The following TMEM94 variants were observed in gnomAD, a reference collection of about 807,000 sequenced individuals.
The protein encoded by TMEM94 is ER Mg2+ ATPase.
TMEM94 carries 81 observed loss-of-function variants against 158.6 expected under a neutral mutation model. The ratio of observed to expected loss-of-function variants is 0.51; its 90% CI spans 0.43 to 0.61. The LOEUF (loss-of-function observed/expected upper bound fraction) is 0.61, where lower values mean the gene tolerates loss of function less well. TMEM94 is among the 20% of genes least tolerant of loss of function. The pLI, the probability that TMEM94 is intolerant of heterozygous loss-of-function variation, is 0.00. For synonymous variants in TMEM94, 751 were observed against 730.7 expected, an observed-to-expected ratio of 1.03 and a Z score of -0.45; for missense variants, 1,435 against 1,762.0, an observed-to-expected ratio of 0.81 and a Z score of 3.32.
chr17:75,482,071 A>G (rs556975146), intron 2 of TMEM94, among the ~76,000 whole-genome samples: 214 of 152,142 alleles, frequency 1.4e-3, no homozygotes, highest in Non-Finnish European at 2.5e-3. Context: ...GGCCAGGCAC[A>G]GTGGCTCAGG....
At chr17:75,488,604 G>A (rs1018961176) in intron 6 of TMEM94, among the ~76,000 whole-genome samples, 155 bp from the exon 7 acceptor site, 3 of 152,068 alleles carry the variant, frequency 2.0e-5, no homozygotes, top group Admixed American at 6.6e-5. Context: ...CTTTATTCTC[G>A]CTAAAAGTCT....
intron 26 of TMEM94, 117 bp from the exon 27 acceptor site, chr17:75,497,664 T>C: frequency 2.6e-6 from 2 of 755,972 alleles, no homozygotes; most frequent in Non-Finnish European, 4.5e-6. Flanking sequence ...CTTTGTTTTA[T>C]TCCATCCCCT....
rs1239160240 is a variant in TMEM94, at chr17:75,497,770, C to T, written c.3408-11C>T. ...TTGTCACCATCCCTCTACCTGATCT[C>T]TGCTTTTCAGCATCTCTCTGCTGGG... is the stretch of plus-strand genomic sequence containing the variant. On this transcript the variant is annotated splice_polypyrimidine_tract_variant and intron_variant, in intron 26 of 31. Coordinates refer to ENST00000314256, the MANE Select transcript of TMEM94 (RefSeq NM_014738.6). 2 of 1,610,842 alleles carry T rather than the reference C, an allele frequency of 1.2e-6. No individual in the cohort carries two copies. Among genetic ancestry groups the T allele is most frequent in the African/African-American group, 1.3e-5 (1 of 74,878 alleles).
chr17:75,499,073 A>G lies in TMEM94; in HGVS notation c.3989A>G (p.His1330Arg). ...VVVTNEIVKL[H>R]EIRVRVRYQK... ...GTGACCAATGAGATCGTGAAGCTAC[A>G]TGAGATTCGGTGAGCTGTCAGCAGG... The change falls in exon 31 of 32, where the codon CAT becomes CGT. Residue 1330 changes from histidine to arginine, a missense_variant. Transcript: ENST00000314256. The G allele has an allele frequency of 1.3e-6, 2 of 1,586,206 alleles. No homozygotes were observed. The highest frequency in any genetic ancestry group is 2.2e-5 in the East Asian group (1 of 44,462).
chr17:75,489,203 C>T lies in TMEM94; in HGVS notation c.765-63C>T. 1.3e-6 allele frequency: 2 copies of T among 1,493,404 alleles called. No homozygotes were observed. The highest frequency in any genetic ancestry group is 2.3e-5 in the East Asian group (1 of 44,190). 92.5% of individuals were successfully genotyped at this position (1,493,404 alleles called of 1,614,324 possible). The stretch of plus-strand genomic sequence containing the variant: ...GTATCTGGCAGAGAGGCCCAGAATC[C>T]TCCCAAGGTGTAGGTTTCTAGCCTC... On this transcript the variant is annotated intron_variant, in intron 7 of 31. Transcript: ENST00000314256. This position sits in a 1 kb window ranked among gnomAD's most constrained non-coding sequence, Gnocchi z 5.0.
At chr17:75,494,561 G>A in intron 18 of TMEM94, 66 bp from the exon 19 acceptor site, 1 of 1,529,352 alleles carries the variant, frequency 6.5e-7, no homozygotes, top group Non-Finnish European at 8.9e-7. Flanking sequence ...TGGCATCTGT[G>A]TGTGTGGCCC....
chr17:75,485,260 G>A lies in TMEM94; in HGVS notation c.25-168G>A, dbSNP rs529425779. The A allele has an allele frequency of 9.2e-4, 602 of 651,880 alleles. 1 individual carries two copies. Among genetic ancestry groups the A allele is most frequent in the Non-Finnish European group, 1.4e-3 (530 of 387,632 alleles). 40.4% of individuals were successfully genotyped at this position (651,880 alleles called of 1,614,324 possible). A position where few individuals can be genotyped will look rare whatever the true frequency, so the allele number is the denominator to read the frequency against. On this transcript the variant is annotated intron_variant, in intron 2 of 31. Coordinates refer to ENST00000314256, the MANE Select transcript of TMEM94 (RefSeq NM_014738.6). The surrounding 1 kb of genome is among the most constrained non-coding windows in gnomAD (Gnocchi z 5.5). ...CACTTGAACAGTTTGTAATTTGGTGGAGATGGACATGGTCACACCTTGAGA... is the reference window on the plus strand; with the variant it reads ...CACTTGAACAGTTTGTAATTTGGTGAAGATGGACATGGTCACACCTTGAGA...
intron 2 of TMEM94, among the ~76,000 whole-genome samples, chr17:75,473,163 G>A (rs1288713807): frequency 6.6e-6 from 1 of 152,166 alleles, no homozygotes; most frequent in Non-Finnish European, 1.5e-5. Flanking sequence ...CTGGCACCAG[G>A]CTGGCTGACT....
In TMEM94 at chr17:75,495,407, G is replaced by A; in HGVS notation, c.2844+8G>A. On this transcript the variant is annotated splice_region_variant and intron_variant, in intron 21 of 31. Coordinates refer to ENST00000314256, the MANE Select transcript of TMEM94 (RefSeq NM_014738.6). The surrounding 1 kb of genome is among the most constrained non-coding windows in gnomAD (Gnocchi z 5.6). ...CTGGAGGACTCCAACCGGGTACGAT[G>A]GCAGGATCTGTCTCACGTGTTCCTG... The A allele has an allele frequency of 6.2e-7, 1 of 1,610,532 alleles. No homozygotes were observed. The highest frequency in any genetic ancestry group is 8.5e-7 in the Non-Finnish European group (1 of 1,177,050).
At chr17:75,464,620 T>TTTCC (rs1179175769) in intron 1 of TMEM94, among the ~76,000 whole-genome samples, 2,608 of 88,446 alleles carry the variant, frequency 0.029, 150 homozygotes, top group East Asian at 0.093. Flanking sequence ...CCTTTCTTTC[T>TTTCC]TTCCTTCCTT....
chr17:75,482,548 GTATGTATGTA>G (rs2051260651), intron 2 of TMEM94, among the ~76,000 whole-genome samples: 1 of 151,668 alleles, frequency 6.6e-6, no homozygotes, highest in African/African-American at 2.4e-5. Context: ...ATGTATGTAT[GTATGTATGTA>G]TGTATGTATG....
chr17:75,499,195 G>A, intron 31 of TMEM94, 67 bp from the exon 32 acceptor site: 1 of 1,601,408 alleles, frequency 6.2e-7, no homozygotes, highest in Non-Finnish European at 8.5e-7. Context: ...TCCTCCTCTG[G>A]TGTCCTGCCC....
chr17:75,456,805 T>G (rs952384152), intron 1 of TMEM94, 54 bp downstream of exon 1: 2 of 152,316 alleles, frequency 1.3e-5, no homozygotes, highest in African/African-American at 2.4e-5. Flanking sequence ...GGCGTGGGGC[T>G]CGGCCTTGCG....
intron 1 of TMEM94, among the ~76,000 whole-genome samples, chr17:75,468,609 C>T (rs975193752): frequency 2.6e-5 from 4 of 152,178 alleles, no homozygotes; most frequent in African/African-American, 9.7e-5. Context: ...CCACTTCCAG[C>T]GTCACTGTCT....
Position 75,492,686 on chromosome 17 carries a change from C to G in TMEM94, c.1809C>G (p.Cys603Trp). 1 of 1,613,456 alleles carries G rather than the reference C, an allele frequency of 6.2e-7. No homozygotes were observed. Among genetic ancestry groups the G allele is most frequent in the Non-Finnish European group, 8.5e-7 (1 of 1,179,980 alleles). Reference protein sequence around the residue: ...LCDASVTERLCRFSDHLCNIA... With the variant: ...LCDASVTERLWRFSDHLCNIA... ...ATGCCAGCGTCACCGAGCGCCTGTG[C>G]CGATTCTCCGACCACCTGTGCAACA... The change falls in exon 15 of 32, where the codon TGC becomes TGG. Residue 603 changes from cysteine to tryptophan, a missense_variant. Physicochemically the swap from Cys to Trp is radical, Grantham distance 215 (BLOSUM62 -2). Around this residue, in one of 3 missense-constraint regions of TMEM94, gnomAD observed 1,051 missense variants for 1,254.4 expected, o/e 0.84. Transcript: ENST00000314256. This position sits in a 1 kb window ranked among gnomAD's most constrained non-coding sequence, Gnocchi z 4.4.
intron 26 of TMEM94, 27 bp downstream of exon 26, chr17:75,497,225 C>G: frequency 6.3e-7 from 1 of 1,583,490 alleles, no homozygotes; most frequent in Non-Finnish European, 8.7e-7. Flanking sequence ...CTTCCCCACA[C>G]CCCATGCCTA....
intron 6 of TMEM94, 112 bp from the exon 7 acceptor site, chr17:75,488,647 G>A: frequency 2.3e-6 from 3 of 1,305,950 alleles, no homozygotes; most frequent in Non-Finnish European, 3.2e-6. Flanking sequence ...TGGACTCTGG[G>A]CTAACTGATG....
chr17:75,463,026 AAAAAAAAAAAAATATATAT>A, intron 1 of TMEM94, among the ~76,000 whole-genome samples: 1 of 11,488 alleles, frequency 8.7e-5, no homozygotes, highest in Non-Finnish European at 1.7e-4. Flanking sequence ...AAAAAAAAAA[AAAAAAAAAAAAATATATAT>A]ATATATATAT....
chr17:75,469,839 G>A (rs979543854), intron 1 of TMEM94, among the ~76,000 whole-genome samples: 8 of 151,948 alleles, frequency 5.3e-5, no homozygotes, highest in African/African-American at 1.2e-4. Flanking sequence ...TTGGGAGGCC[G>A]AGGTGGGTGG....
Sources: gnomAD v4.1 joint callset for allele counts (sites outside exome capture counted in the v4.1 genomes callset) on GRCh38, gnomAD v4.1.1 for gene constraint, gnomAD v4.1.1 regional missense constraint, Gnocchi (gnomAD v3.1) non-coding constraint, MANE v1.5 for transcripts, NCBI Gene and HGNC (gene_info 2026-07-23, HGNC 2026-07-21) for gene names.